Variants in HYCC2 observed in about 807,000 individuals in gnomAD.
HYCC2 encodes hyccin PI4KA lipid kinase complex subunit 2.
the HYCC2 span, among the ~76,000 whole-genome samples, chr2:201,047,465 T>TATATATACAC: frequency 6.7e-6 from 1 of 148,806 alleles, no homozygotes; most frequent in African/African-American, 2.5e-5. Context: ...TATATATATA[T>TATATATACAC]ACACACACAC....
chr2:201,045,387 T>G, the HYCC2 span: 1 of 394,386 alleles, frequency 2.5e-6, no homozygotes. Flanking sequence ...TAGGTAAAAC[T>G]GCTCAATAAA....
chr2:200,993,016 A>G, the HYCC2 span: 7 of 1,480,304 alleles, frequency 4.7e-6, no homozygotes, highest in Non-Finnish European at 6.6e-6. Context: ...AGGAAAATAC[A>G]CTATTTAACA....
the HYCC2 span, among the ~76,000 whole-genome samples, chr2:201,038,922 G>T: frequency 6.6e-6 from 1 of 150,876 alleles, no homozygotes; most frequent in African/African-American, 2.4e-5. Context: ...CTTGCAAATT[G>T]TTGATTAAAA....
chr2:201,052,756 C>T, the HYCC2 span, among the ~76,000 whole-genome samples: 1 of 152,186 alleles, frequency 6.6e-6, no homozygotes, highest in East Asian at 1.9e-4. Flanking sequence ...CAAGTGAAAC[C>T]TGGTAGACTC....
chr2:201,042,725 GC>G, the HYCC2 span, among the ~76,000 whole-genome samples: 1 of 149,620 alleles, frequency 6.7e-6, no homozygotes, highest in Non-Finnish European at 1.5e-5. Context: ...CCGGCCAGCC[GC>G]CCCGTCCGGG....
chr2:201,066,844 G>T, the HYCC2 span: 1 of 154,346 alleles, frequency 6.5e-6, no homozygotes, highest in Non-Finnish European at 1.4e-5. Flanking sequence ...AAGAAGATCC[G>T]CAAGTCACCC....
chr2:200,976,170 G>A, the HYCC2 span: 1 of 152,092 alleles, frequency 6.6e-6, no homozygotes, highest in Admixed American at 6.6e-5. Flanking sequence ...GTAAAACGAT[G>A]ACAATAATCT....
chr2:200,982,703 C>T, the HYCC2 span, among the ~76,000 whole-genome samples: 45 of 152,232 alleles, frequency 3.0e-4, 1 homozygote, highest in Admixed American at 2.0e-3. Flanking sequence ...TCACAAAATA[C>T]GATAGTGTCC....
At chr2:201,023,865 A>G in the HYCC2 span, 2 of 920,774 alleles carry the variant, frequency 2.2e-6, no homozygotes, top group Admixed American at 2.0e-5. Context: ...GTTTCTCCAT[A>G]GAGCACATAA....
chr2:201,067,222 T>TAA, the HYCC2 span: 1 of 203,744 alleles, frequency 4.9e-6, no homozygotes, highest in Non-Finnish European at 1.0e-5. Context: ...TCTAAGTATA[T>TAA]ATATTAGTAT....
At chr2:200,973,868 C>G in the HYCC2 span, 1 of 152,058 alleles carries the variant, frequency 6.6e-6, no homozygotes, top group African/African-American at 2.4e-5. Context: ...CAGACTGATA[C>G]TGAATTTTAT....
chr2:201,025,212 C>A, the HYCC2 span, among the ~76,000 whole-genome samples: 1 of 152,192 alleles, frequency 6.6e-6, no homozygotes, highest in African/African-American at 2.4e-5. Flanking sequence ...TAAGGTCAAC[C>A]CTGGAAGTTT....
At chr2:201,059,833 G>A in the HYCC2 span, among the ~76,000 whole-genome samples, 47 of 152,176 alleles carry the variant, frequency 3.1e-4, no homozygotes, top group Non-Finnish European at 5.9e-4. Flanking sequence ...ATCACCTGAG[G>A]TCAAAAGTTG....
At chr2:201,041,237 C>T in the HYCC2 span, among the ~76,000 whole-genome samples, 107 of 152,220 alleles carry the variant, frequency 7.0e-4, no homozygotes, top group African/African-American at 2.4e-3. Flanking sequence ...GGTGTGTGAC[C>T]TATACAAGGT....
At chr2:201,015,257 C>CT in the HYCC2 span, among the ~76,000 whole-genome samples, 1 of 152,296 alleles carries the variant, frequency 6.6e-6, no homozygotes, top group Non-Finnish European at 1.5e-5. Context: ...ACTCTCTCAC[C>CT]TTTTTACCTT....
the HYCC2 span, chr2:200,981,862 C>T: frequency 1.9e-6 from 3 of 1,598,078 alleles, no homozygotes; most frequent in Non-Finnish European, 1.7e-6. This position sits in a 1 kb window ranked among gnomAD's most constrained non-coding sequence, Gnocchi z 4.5. Context: ...TCCATTTACA[C>T]CCTCAGCACC....
the HYCC2 span, chr2:201,022,334 G>T: frequency 3.4e-6 from 1 of 297,590 alleles, no homozygotes; most frequent in Non-Finnish European, 6.6e-6. Flanking sequence ...TATTGATCTT[G>T]ACTACTTAGA....
At chr2:201,004,555 A>C in the HYCC2 span, among the ~76,000 whole-genome samples, 1 of 152,260 alleles carries the variant, frequency 6.6e-6, no homozygotes, top group African/African-American at 2.4e-5. Context: ...AGATGCCAGC[A>C]GTCTCTGGAG....
chr2:201,000,287 C>G, the HYCC2 span, among the ~76,000 whole-genome samples: 13 of 148,850 alleles, frequency 8.7e-5, no homozygotes, highest in South Asian at 2.3e-3. Flanking sequence ...TACTTGAGCT[C>G]AGGAGGAGCA....
Sources: gnomAD v4.1 joint callset for allele counts (sites outside exome capture counted in the v4.1 genomes callset) on GRCh38, gnomAD v4.1.1 for gene constraint, Gnocchi (gnomAD v3.1) non-coding constraint, MANE v1.5 for transcripts, NCBI Gene and HGNC (gene_info 2026-07-23, HGNC 2026-07-21) for gene names.